OTULIN: variants seen among roughly 807,000 people sequenced by gnomAD.
OTULIN encodes ubiquitin thioesterase otulin.
Under a neutral mutation model 39.6 loss-of-function variants are expected in OTULIN, and 15 were observed. The ratio of observed to expected loss-of-function variants is 0.38; its 90% confidence interval spans 0.25 to 0.58. The LOEUF (loss-of-function observed/expected upper bound fraction) is 0.58, where lower values mean the gene tolerates loss of function less well. OTULIN is among the 20% of genes least tolerant of loss of function. The pLI is 0.66. For synonymous variants in OTULIN, 156 were observed against 170.3 expected (o/e 0.92, Z 0.65); for missense variants, 319 against 445.9 (o/e 0.72, Z 2.56).
chr5:14,697,960 T>C lies in OTULIN; in HGVS notation c.*4912T>C, dbSNP rs1736714762. 1 of 152,230 alleles carries C rather than the reference T, an allele frequency of 6.6e-6. No homozygotes were observed. Among genetic ancestry groups the C allele is most frequent in the African/African-American group, 2.4e-5 (1 of 41,460 alleles). 9.4% of individuals were successfully genotyped at this position (152,230 alleles called of 1,614,324 possible). ...TTCATTTACATATTGAAAAATGCCT[T>C]GACTGTATTCACATAAATGGTGCTA... On this transcript the variant is annotated 3_prime_UTR_variant, in exon 7 of 7. Coordinates refer to ENST00000284274, the MANE Select transcript of OTULIN (RefSeq NM_138348.6).
chr5:14,713,395 G>A, the OTULIN span: 12 of 1,189,504 alleles, frequency 1.0e-5, no homozygotes, highest in South Asian at 1.6e-4. The surrounding 1 kb of genome is among the most constrained non-coding windows in gnomAD (Gnocchi z 4.4). Flanking sequence ...GCCTCCACCT[G>A]GTGCCTGGGC....
rs1274109881 is a variant in OTULIN at position 14,696,670 on chromosome 5, T to C, written c.*3622T>C. The C allele has an allele frequency of 6.6e-6, 1 of 152,230 alleles. No individual in the cohort carries two copies. The highest frequency in any genetic ancestry group is 1.5e-5 in the Non-Finnish European group (1 of 68,036). 9.4% of individuals were successfully genotyped at this position (152,230 alleles called of 1,614,324 possible). A position where few individuals can be genotyped will look rare whatever the true frequency, so the allele number is the denominator to read the frequency against. On this transcript the variant is annotated 3_prime_UTR_variant, in exon 7 of 7. Transcript: ENST00000284274. ...ATACAGACCTCCTGTGCTTAAGTTA[T>C]AGAAGAATAAAAATCTGAATGAATG...
chr5:14,710,485 C>G, the OTULIN span: 234 of 153,508 alleles, frequency 1.5e-3, 8 homozygotes, highest in South Asian at 0.047. Flanking sequence ...TAGGAGAACG[C>G]AGAGTGAAAT....
At chr5:14,677,582 C>A (rs1736136032) in intron 2 of OTULIN, among the ~76,000 whole-genome samples, 1 of 152,114 alleles carries the variant, frequency 6.6e-6, no homozygotes, top group African/African-American at 2.4e-5. Flanking sequence ...AAACCCCAAA[C>A]CATATATATT....
At chr5:14,675,189 TG>T (rs1736074385) in intron 2 of OTULIN, among the ~76,000 whole-genome samples, 1 of 152,228 alleles carries the variant, frequency 6.6e-6, no homozygotes, top group Non-Finnish European at 1.5e-5. Flanking sequence ...GAGTTTATTA[TG>T]GTGCCAAAAA....
At chr5:14,702,986 G>A (rs373743974), downstream of OTULIN, among the ~76,000 whole-genome samples, 42 of 152,214 alleles carry the variant, frequency 2.8e-4, no homozygotes, top group Middle Eastern at 3.4e-3. Flanking sequence ...CGGCACCTCC[G>A]CCTTTGTGAA....
the OTULIN span, chr5:14,705,568 C>G: frequency 6.6e-6 from 1 of 152,254 alleles, no homozygotes; most frequent in Non-Finnish European, 1.5e-5. Context: ...TGGCTCTTGT[C>G]CACTTTCCCG....
chr5:14,711,255 T>G, the OTULIN span: 1 of 1,614,146 alleles, frequency 6.2e-7, no homozygotes, highest in Non-Finnish European at 8.5e-7. Context: ...CGGAGGCATG[T>G]CTGTCATGGC....
intron 6 of OTULIN, among the ~76,000 whole-genome samples, chr5:14,691,913 G>A (rs1235537752): frequency 6.6e-6 from 1 of 152,160 alleles, no homozygotes; most frequent in Non-Finnish European, 1.5e-5. Context: ...ATTGCACCAT[G>A]TATTAGTACT....
the OTULIN span, chr5:14,710,920 C>T: frequency 9.3e-6 from 4 of 430,364 alleles, no homozygotes; most frequent in East Asian, 1.6e-4. Flanking sequence ...AACCGTGAGG[C>T]AGCTGTGTCT....
Position 14,699,647 on chromosome 5 carries a change from CAG to C in OTULIN, c.*6600_*6601del, listed in dbSNP as rs1397232188. ...CCACTCAAGAAAGTGGAGAGAAAAA[CAG>C]GGATGCAGGCTGTGGGTCTTGTGGA... On this transcript the variant is annotated 3_prime_UTR_variant, in exon 7 of 7. Transcript: ENST00000284274. 6.6e-6 allele frequency: 1 copy of C among 152,184 alleles called. No individual in the cohort carries two copies. Among genetic ancestry groups the C allele is most frequent in the African/African-American group, 2.4e-5 (1 of 41,436 alleles). The allele number at this position is 152,184 out of a possible 1,614,324, so 9.4% of individuals were successfully genotyped here. A position where few individuals can be genotyped will look rare whatever the true frequency, so the allele number is the denominator to read the frequency against.
rs377036948 is a variant in OTULIN, at chr5:14,672,348, C to A, written c.153-1294C>A. Among the ~76,000 whole-genome samples the A allele has an allele frequency of 4.7e-4, 71 of 152,242 alleles. No homozygotes were observed. In the South Asian group the frequency reaches 0.013, roughly 29 times the overall value. The stretch of plus-strand genomic sequence containing the variant: ...GTTTTAGTGGGGACATGTGAGACTT[C>A]CTTCCTCAGTCTGGCCCTCCCAGTA... On this transcript the variant is annotated intron_variant, in intron 1 of 6. Transcript: ENST00000284274.
At position 14,673,587 on chromosome 5, in the gene OTULIN, C is replaced by T. The variant is rs16903631; in HGVS notation, c.153-55C>T. 190,359 of 1,522,076 alleles carry T rather than the reference C, an allele frequency of 0.13. 14,500 individuals carry two copies. The highest frequency in any genetic ancestry group is 0.42 in the East Asian group (18,495 of 43,946). 94.3% of individuals were successfully genotyped at this position (1,522,076 alleles called of 1,614,324 possible). A position where few individuals can be genotyped will look rare whatever the true frequency, so the allele number is the denominator to read the frequency against. On this transcript the variant is annotated intron_variant, in intron 1 of 6. Transcript: ENST00000284274. ...ATTTGTAAGCAGCTGTATAATAGGA[C>T]GGAAAATGTCAGTGCAACAAGTGTT... is the stretch of plus-strand genomic sequence containing the variant.
In OTULIN at chr5:14,680,153, G is replaced by A. The variant is rs1020723400; in HGVS notation, c.325-1311G>A. 2.6e-5 allele frequency among the ~76,000 whole-genome samples: 4 copies of A among 152,182 alleles called. No individual in the cohort carries two copies. In the South Asian group the frequency reaches 8.3e-4, roughly 31 times the overall value. ...GAAAGGTACAGCTGCAGTTGGATTTGCATAAGTATTCTGGGGTAATTGAGG... is the reference window on the plus strand; with the variant it reads ...GAAAGGTACAGCTGCAGTTGGATTTACATAAGTATTCTGGGGTAATTGAGG... On this transcript the variant is annotated intron_variant, in intron 3 of 6. Transcript: ENST00000284274.
the OTULIN span, chr5:14,705,163 T>G: frequency 1.2e-4 from 18 of 152,184 alleles, no homozygotes; most frequent in Non-Finnish European, 2.1e-4. Flanking sequence ...CCCAGCTAAA[T>G]ATTTTAATGT....
chr5:14,689,164 C>G (rs1383218344), intron 5 of OTULIN, among the ~76,000 whole-genome samples: 1 of 152,148 alleles, frequency 6.6e-6, no homozygotes, highest in Non-Finnish European at 1.5e-5. Flanking sequence ...AGCCTTGATT[C>G]CATCCCGACT....
the OTULIN span, chr5:14,713,624 C>T: frequency 6.2e-7 from 1 of 1,614,206 alleles, no homozygotes; most frequent in Non-Finnish European, 8.5e-7. This position sits in a 1 kb window ranked among gnomAD's most constrained non-coding sequence, Gnocchi z 4.4. Flanking sequence ...CGAAGGTTTT[C>T]TTCAGTGTCA....
intron 2 of OTULIN, among the ~76,000 whole-genome samples, chr5:14,677,125 C>A (rs562721729): frequency 6.6e-6 from 1 of 152,236 alleles, no homozygotes; most frequent in Non-Finnish European, 1.5e-5. Context: ...TAAGAGTTTA[C>A]TTAAAAAATT....
chr5:14,711,171 C>T, the OTULIN span: 14 of 1,561,414 alleles, frequency 9.0e-6, no homozygotes, highest in South Asian at 4.4e-5. Context: ...CTGACTGTCC[C>T]TGCAGTGCCC....
Sources: allele counts gnomAD v4.1 joint callset (sites outside exome capture counted in the v4.1 genomes callset), GRCh38; gene constraint gnomAD v4.1.1; non-coding constraint Gnocchi (gnomAD v3.1); transcripts MANE v1.5; gene names NCBI Gene and HGNC (gene_info 2026-07-23, HGNC 2026-07-21).